The following DPYD variants were observed in gnomAD, a reference collection of about 807,000 sequenced individuals.
DPYD encodes the protein dihydropyrimidine dehydrogenase.
DPYD carries 109 observed loss-of-function variants against 116.2 expected under a neutral mutation model. That is an observed-to-expected ratio of 0.94 (90% CI 0.80 to 1.10). The LOEUF is 1.10. Among genes scored for constraint, DPYD ranks in the 50% least tolerant of loss-of-function variants. The pLI is 0.00. For synonymous variants in DPYD, 440 were observed against 432.0 expected (o/e 1.02, Z -0.23); for missense variants, 1,302 against 1,254.5 (o/e 1.04, Z -0.57).
At chr1:97,080,567 G>C (rs1649084475) in intron 22 of DPYD, among the ~76,000 whole-genome samples, 1 of 152,060 alleles carries the variant, frequency 6.6e-6, no homozygotes, top group Non-Finnish European at 1.5e-5. Flanking sequence ...CAAGTCATGA[G>C]AATATCTGTC....
At chr1:97,492,826 C>A (rs1284745110) in intron 13 of DPYD, among the ~76,000 whole-genome samples, 1 of 152,082 alleles carries the variant, frequency 6.6e-6, no homozygotes, top group Admixed American at 6.6e-5. Context: ...TGAAACCCCC[C>A]ACCCAGAAGT....
intron 3 of DPYD, among the ~76,000 whole-genome samples, chr1:97,752,929 A>G (rs1665012847): frequency 6.6e-6 from 1 of 152,196 alleles, no homozygotes; most frequent in African/African-American, 2.4e-5. Context: ...CAGATGAAAA[A>G]GCCAGAATTT....
chr1:97,227,786 A>G (rs964852017), intron 19 of DPYD, among the ~76,000 whole-genome samples: 38 of 152,186 alleles, frequency 2.5e-4, no homozygotes, highest in African/African-American at 8.7e-4. Flanking sequence ...TTGAGATGCA[A>G]AATGTATTTT....
At chr1:97,719,919 A>T (rs535188761) in intron 5 of DPYD, 2 of 985,004 alleles carry the variant, frequency 2.0e-6, no homozygotes, top group Non-Finnish European at 2.4e-6. Context: ...ATAACTCTTC[A>T]TTAGGTGATA....
At chr1:97,198,723 G>C (rs1434136179) in intron 19 of DPYD, among the ~76,000 whole-genome samples, 1 of 152,162 alleles carries the variant, frequency 6.6e-6, no homozygotes, top group Non-Finnish European at 1.5e-5. Flanking sequence ...AGTATAATTT[G>C]TAAGTTCTTT....
intron 14 of DPYD, among the ~76,000 whole-genome samples, chr1:97,392,751 C>G (rs1310456569): frequency 6.6e-6 from 1 of 152,070 alleles, no homozygotes; most frequent in African/African-American, 2.4e-5. Context: ...CTCATCTCTT[C>G]AAGTTTTATC....
chr1:97,364,232 A>C (rs1263327265), intron 16 of DPYD, among the ~76,000 whole-genome samples: 1 of 152,236 alleles, frequency 6.6e-6, no homozygotes, highest in Non-Finnish European at 1.5e-5. Flanking sequence ...AATTGCAACA[A>C]AGTTTTCCAT....
intron 16 of DPYD, among the ~76,000 whole-genome samples, chr1:97,343,484 C>T (rs1293412261): frequency 1.3e-5 from 2 of 151,994 alleles, no homozygotes; most frequent in Non-Finnish European, 2.9e-5. Context: ...AGAAATCATG[C>T]TATTTAAAAT....
intron 8 of DPYD, among the ~76,000 whole-genome samples, chr1:97,660,489 T>A (rs1015188043): frequency 6.6e-6 from 1 of 152,142 alleles, no homozygotes; most frequent in Non-Finnish European, 1.5e-5. Context: ...TTAAGACCCA[T>A]CATAAATGTA....
chr1:97,572,866 GTATAT>G (rs1164950511), intron 11 of DPYD, among the ~76,000 whole-genome samples: 2 of 151,956 alleles, frequency 1.3e-5, no homozygotes, highest in Admixed American at 1.3e-4. Context: ...ACATTTTCAT[GTATAT>G]ATCTCTTCCA....
intron 16 of DPYD, among the ~76,000 whole-genome samples, chr1:97,343,532 T>TAAAAAAAA (rs1669690116): frequency 1.3e-5 from 2 of 152,104 alleles, no homozygotes; most frequent in Admixed American, 6.6e-5. Context: ...TAACACAGAG[T>TAAAAAAAA]AAAAACATTT....
At chr1:97,464,069 T>G (rs983834033) in intron 13 of DPYD, among the ~76,000 whole-genome samples, 1 of 151,878 alleles carries the variant, frequency 6.6e-6, no homozygotes, top group African/African-American at 2.4e-5. Flanking sequence ...TGACACCCTG[T>G]CTCTACTAAA....
At chr1:97,751,234 A>G (rs927553499) in intron 3 of DPYD, among the ~76,000 whole-genome samples, 1 of 151,144 alleles carries the variant, frequency 6.6e-6, no homozygotes, top group Admixed American at 6.6e-5. Flanking sequence ...TTAGAAGAGG[A>G]TGACTTAATA....
At chr1:97,872,460 A>G (rs1671703038) in intron 2 of DPYD, among the ~76,000 whole-genome samples, 1 of 152,004 alleles carries the variant, frequency 6.6e-6, no homozygotes. Flanking sequence ...AGAAAGTTGC[A>G]ATCAGTCTGA....
Position 97,202,182 on chromosome 1 carries a change from C to T in DPYD, c.2443-8934G>A, listed in dbSNP as rs551065685. Among the ~76,000 whole-genome samples the T allele has an allele frequency of 3.3e-5, 5 of 152,160 alleles. No homozygotes were observed. The East Asian group carries it at 7.7e-4, about 24-fold the overall frequency. On this transcript the variant is annotated intron_variant, in intron 19 of 22. Coordinates refer to ENST00000370192, the MANE Select transcript of DPYD (RefSeq NM_000110.4). ...CAAAAGTTCAGTTCAGAAAAATTGC[C>T]GAAATGGATAAGTAGTTCTGCTTAT...
chr1:97,155,179 T>A (rs1210041641), intron 20 of DPYD, among the ~76,000 whole-genome samples: 1 of 152,208 alleles, frequency 6.6e-6, no homozygotes, highest in Non-Finnish European at 1.5e-5. Flanking sequence ...ATATGTGGAA[T>A]GTGTGTTAAT....
At chr1:97,516,431 G>A (rs1648243887) in intron 12 of DPYD, among the ~76,000 whole-genome samples, 1 of 151,990 alleles carries the variant, frequency 6.6e-6, no homozygotes, top group Non-Finnish European at 1.5e-5. Context: ...TATAGCAGCA[G>A]GAATGCTGCT....
intron 18 of DPYD, among the ~76,000 whole-genome samples, chr1:97,247,308 A>C (rs1347494882): frequency 1.3e-5 from 2 of 152,226 alleles, no homozygotes; most frequent in Non-Finnish European, 2.9e-5. Context: ...ACATTATTTC[A>C]GACAAGATCT....
intron 3 of DPYD, among the ~76,000 whole-genome samples, chr1:97,781,763 T>G (rs1037757636): frequency 1.3e-5 from 2 of 152,212 alleles, no homozygotes; most frequent in Non-Finnish European, 2.9e-5. Context: ...ATTATACAAA[T>G]GATTTTAACA....
Sources: gnomAD v4.1 joint callset for allele counts (sites outside exome capture counted in the v4.1 genomes callset) on GRCh38, gnomAD v4.1.1 for gene constraint, MANE v1.5 for transcripts, NCBI Gene and HGNC (gene_info 2026-07-23, HGNC 2026-07-21) for gene names.